The following SPTAN1 variants were observed in gnomAD, a reference collection of about 807,000 sequenced individuals.
SPTAN1 encodes the protein spectrin alpha, non-erythrocytic 1.
Under a neutral mutation model 331.3 loss-of-function variants are expected in SPTAN1, and 61 were observed. The ratio of observed to expected loss-of-function variants is 0.18; its 90% CI spans 0.15 to 0.23. SPTAN1 has a LOEUF of 0.23. Ranked by LOEUF, SPTAN1 falls within the 10% of genes least tolerant of loss-of-function variation. SPTAN1 has a pLI of 1.00. For missense variants in SPTAN1, 2,043 were observed against 3,147.9 expected, an observed-to-expected ratio of 0.65 and a Z score of 8.40; for synonymous variants, 1,153 against 1,173.9, an observed-to-expected ratio of 0.98 and a Z score of 0.36.
chr9:128,618,988 T>C lies in SPTAN1; in HGVS notation c.5718T>C (p.Thr1906=). 6.2e-7 allele frequency: 1 copy of C among 1,613,896 alleles called. No individual in the cohort carries two copies. ...TGGCCAGCGAAGATTATGGCGACAC[T>C]CTTGCCGCCATCCAGGTGAGACAGA... is the stretch of plus-strand genomic sequence containing the variant. The part of the protein sequence containing the change: ...TLVASEDYGD[T]LAAIQGLLKK... Residue 1906 remains threonine, a synonymous_variant, in exon 44 of 57, where the codon ACT becomes ACC. Coordinates refer to ENST00000372739, the MANE Select transcript of SPTAN1 (RefSeq NM_001130438.3).
At chr9:128,622,762 T>A (rs1858078853) in intron 45 of SPTAN1, among the ~76,000 whole-genome samples, 1 of 152,050 alleles carries the variant, frequency 6.6e-6, no homozygotes, top group Non-Finnish European at 1.5e-5. Context: ...TATTTATTTA[T>A]TTATTTTTTA....
chr9:128,570,328 ATATTTTTT>A (rs1430308986), intron 3 of SPTAN1, among the ~76,000 whole-genome samples: 818 of 73,402 alleles, frequency 0.011, 4 homozygotes, highest in Admixed American at 0.017. Flanking sequence ...ATATATATAT[ATATTTTTT>A]TTTTTTTTTT....
Position 128,605,049 on chromosome 9 carries a change from C to T in SPTAN1, c.3735C>T (p.Thr1245=), listed in dbSNP as rs942685766. The T allele has an allele frequency of 5.6e-6, 9 of 1,613,794 alleles. No individual in the cohort carries two copies. Among genetic ancestry groups the T allele is most frequent in the Non-Finnish European group, 6.8e-6 (8 of 1,180,012 alleles). Residue 1245 remains threonine (T), a synonymous_variant, in exon 30 of 57, where the codon ACC becomes ACT. Transcript: ENST00000372739. The part of the protein sequence containing the change: ...VQRFHRDADE[T]KEWIEEKNQA... ...TCGCCTTTAGAGATGCTGATGAAAC[C>T]AAAGAATGGATTGAAGAGAAGAATC...
chr9:128,604,927 C>T (rs1855627988), intron 29 of SPTAN1, 107 bp from the exon 30 acceptor site: 2 of 1,192,610 alleles, frequency 1.7e-6, no homozygotes, highest in Admixed American at 2.3e-5. Flanking sequence ...AATGAAACTC[C>T]ATCTCAGTAA....
intron 21 of SPTAN1, among the ~76,000 whole-genome samples, chr9:128,590,887 G>A (rs1853406079): frequency 6.6e-6 from 1 of 151,926 alleles, no homozygotes; most frequent in Admixed American, 6.6e-5. Flanking sequence ...AAGTTAAGTG[G>A]GCACATGTGA....
At chr9:128,630,426 C>A in intron 52 of SPTAN1, 51 bp downstream of exon 52, 3 of 1,576,198 alleles carry the variant, frequency 1.9e-6, no homozygotes, top group Non-Finnish European at 2.6e-6. Context: ...CCCAGCCACC[C>A]CCCAGGGTAC....
intron 1 of SPTAN1, among the ~76,000 whole-genome samples, chr9:128,561,385 C>T (rs944597686): frequency 4.7e-5 from 7 of 148,276 alleles, no homozygotes; most frequent in South Asian, 2.1e-4. Flanking sequence ...AAAAAAAGGC[C>T]AGGCGCGGTG....
At chr9:128,594,867 C>T (rs373940620) in intron 24 of SPTAN1, among the ~76,000 whole-genome samples, 1 of 111,852 alleles carries the variant, frequency 8.9e-6, no homozygotes, top group Non-Finnish European at 1.7e-5. Flanking sequence ...TCTCTTTTGT[C>T]GCCCAGGCTG....
chr9:128,565,164 G>A (rs755854403), intron 1 of SPTAN1, among the ~76,000 whole-genome samples: 20 of 152,172 alleles, frequency 1.3e-4, no homozygotes, highest in Non-Finnish European at 2.6e-4. Flanking sequence ...TTAGCTGGGC[G>A]TGGTGGTGCA....
At chr9:128,587,147 G>A (rs1852757554) in intron 19 of SPTAN1, among the ~76,000 whole-genome samples, 1 of 151,950 alleles carries the variant, frequency 6.6e-6, no homozygotes, top group African/African-American at 2.4e-5. Context: ...GTACAGTGAT[G>A]CAATCACGAC....
At chr9:128,592,566 C>T (rs901298913) in intron 22 of SPTAN1, among the ~76,000 whole-genome samples, 2 of 152,208 alleles carry the variant, frequency 1.3e-5, no homozygotes, top group African/African-American at 4.8e-5. Flanking sequence ...AGCCACCACG[C>T]CTGGCCTTGG....
At chr9:128,615,173 G>C (rs903568173) in intron 40 of SPTAN1, among the ~76,000 whole-genome samples, 2 of 152,100 alleles carry the variant, frequency 1.3e-5, no homozygotes, top group Admixed American at 1.3e-4. Context: ...TATTTATTCT[G>C]GACCGAGTAT....
At position 128,609,158 on chromosome 9, in the gene SPTAN1, G is replaced by T; in HGVS notation, c.4632G>T (p.Arg1544Ser). 1 of 1,614,186 alleles carries T rather than the reference G, an allele frequency of 6.2e-7. No individual in the cohort carries two copies. Among genetic ancestry groups the T allele is most frequent in the Non-Finnish European group, 8.5e-7 (1 of 1,180,044 alleles). ...RRLKAQMIEK[R>S]SKLGESQTLQ... is the part of the protein sequence containing the mutation. ...TGAAAGCCCAGATGATTGAGAAAAG[G>T]TCAAAGCTAGGAGAATCTCAAACCC... The change falls in exon 36 of 57, where the codon AGG (arginine) becomes AGT (serine). Residue 1544 changes from arginine (R) to serine (S), a missense_variant. Arg to Ser is a moderately radical substitution (Grantham distance 110). Transcript: ENST00000372739.
At chr9:128,563,024 A>ATATATATATATATG (rs1564188712) in intron 1 of SPTAN1, among the ~76,000 whole-genome samples, 21 of 140,586 alleles carry the variant, frequency 1.5e-4, no homozygotes, top group African/African-American at 4.9e-4. Flanking sequence ...ATATATATAT[A>ATATATATATATATG]TATGTATATA....
chr9:128,607,915 C>G lies in SPTAN1; in HGVS notation c.4210C>G (p.Gln1404Glu). Residue 1404 changes from glutamine (Q) to glutamate (E), a missense_variant, in exon 33 of 57, where the codon CAG (glutamine) becomes GAG (glutamate). By Grantham distance (29) the Gln-to-Glu change is conservative (BLOSUM62 2). Coordinates refer to ENST00000372739, the MANE Select transcript of SPTAN1 (RefSeq NM_001130438.3). ...TFQAFEQFGQ[Q>E]LLAHGHYASP... Reference sequence around the variant, plus strand: ...CCAGGCATTTGAGCAGTTTGGACAGCAGCTGTTGGCTCACGGACACTATGC... The same window carrying G: ...CCAGGCATTTGAGCAGTTTGGACAGGAGCTGTTGGCTCACGGACACTATGC... 1.9e-6 allele frequency: 3 copies of G among 1,614,076 alleles called. No homozygotes were observed. Among genetic ancestry groups the G allele is most frequent in the Non-Finnish European group, 2.5e-6 (3 of 1,180,030 alleles).
At position 128,615,848 on chromosome 9, in the gene SPTAN1, T is replaced by C. The variant is rs1414935116; in HGVS notation, c.5357+8T>C. On this transcript the variant is annotated splice_region_variant and intron_variant, in intron 41 of 56. Coordinates refer to ENST00000372739, the MANE Select transcript of SPTAN1 (RefSeq NM_001130438.3). ...CGAGGAGTCCTGGATCAAGTATGTC[T>C]TCTCAGCCCTCTAGAAGGCCCCTTA... 6.2e-7 allele frequency: 1 copy of C among 1,614,124 alleles called. No individual in the cohort carries two copies.
rs7031524 is a variant in SPTAN1 at position 128,579,363 on chromosome 9, T to C, written c.1222-274T>C. Reference sequence around the variant, plus strand: ...GCACAAAGAAGACAGAGCCCTGGAATGAAAGAGAGCTCAGACCCATGTGAA... The same window carrying C: ...GCACAAAGAAGACAGAGCCCTGGAACGAAAGAGAGCTCAGACCCATGTGAA... On this transcript the variant is annotated intron_variant, in intron 9 of 56. Transcript: ENST00000372739. Among the ~76,000 whole-genome samples the C allele has an allele frequency of 0.97, 147,988 of 152,298 alleles. 72,060 individuals are homozygous for C. The highest frequency in any genetic ancestry group is 1 in the East Asian group (5,188 of 5,188).
Position 128,574,691 on chromosome 9 carries a change from T to A in SPTAN1, c.380T>A (p.Leu127Gln), listed in dbSNP as rs768538310. Residue 127 changes from leucine to glutamine, a missense_variant, in exon 4 of 57, where the codon CTG (leucine) becomes CAG (glutamine). Transcript: ENST00000372739. ...AACTTTCAGACCCGTTTGATGGAGC[T>A]GCACCGCCAGTGGGAATTACTTTTG... ...SETIRTRLME[L>Q]HRQWELLLEK... 1.2e-6 allele frequency: 2 copies of A among 1,614,218 alleles called. No individual in the cohort carries two copies. Among genetic ancestry groups the A allele is most frequent in the Middle Eastern group, 1.6e-4 (1 of 6,062 alleles).
chr9:128,604,918 A>C (rs1855626824), intron 29 of SPTAN1, 116 bp from the exon 30 acceptor site: 1 of 1,140,212 alleles, frequency 8.8e-7, no homozygotes, highest in African/African-American at 1.6e-5. Flanking sequence ...GGTGACAAGA[A>C]TGAAACTCCA....
Sources: gnomAD v4.1 joint callset for allele counts (sites outside exome capture counted in the v4.1 genomes callset) on GRCh38, gnomAD v4.1.1 for gene constraint, MANE v1.5 for transcripts, NCBI Gene and HGNC (gene_info 2026-07-23, HGNC 2026-07-21) for gene names.